The following EXOC6B variants were observed in gnomAD, a reference collection of about 807,000 sequenced individuals.
The protein encoded by EXOC6B is exocyst complex component 6B.
EXOC6B carries 54 observed loss-of-function variants against 113.5 expected under a neutral mutation model. The ratio of observed to expected loss-of-function variants is 0.48; its 90% CI spans 0.38 to 0.60. The LOEUF (loss-of-function observed/expected upper bound fraction) is 0.60. EXOC6B is among the 20% of genes least tolerant of loss of function. The probability of loss-of-function intolerance (pLI) is 0.00; values close to 1 mark genes in which losing one functional copy is unlikely to be tolerated. For missense variants in EXOC6B, 797 were observed against 977.5 expected (o/e 0.82, Z 2.46); for synonymous variants, 357 against 339.0 (o/e 1.05, Z -0.58).
chr2:72,360,759 TC>T, intron 19 of EXOC6B, among the ~76,000 whole-genome samples: 1 of 152,008 alleles, frequency 6.6e-6, no homozygotes. Context: ...TAAGTTGATT[TC>T]AAGTTTCTGT....
intron 20 of EXOC6B, among the ~76,000 whole-genome samples, chr2:72,333,919 T>C (rs1401005241): frequency 6.6e-6 from 1 of 152,050 alleles, no homozygotes; most frequent in Non-Finnish European, 1.5e-5. Context: ...CGAATCACAG[T>C]GGTAAGGAAC....
chr2:72,574,316 A>T (rs1704695231), intron 7 of EXOC6B, among the ~76,000 whole-genome samples: 1 of 152,184 alleles, frequency 6.6e-6, no homozygotes, highest in African/African-American at 2.4e-5. Flanking sequence ...ACATAACAGA[A>T]GTCAGCAAGG....
intron 20 of EXOC6B, among the ~76,000 whole-genome samples, chr2:72,188,531 G>T (rs1295070767): frequency 6.6e-6 from 1 of 152,088 alleles, no homozygotes; most frequent in Non-Finnish European, 1.5e-5. Flanking sequence ...AACTAAGTTA[G>T]CTGCTTGGAG....
chr2:72,248,670 C>T (rs1009012109), intron 20 of EXOC6B, among the ~76,000 whole-genome samples: 13 of 152,030 alleles, frequency 8.6e-5, no homozygotes, highest in African/African-American at 1.9e-4. Flanking sequence ...AGTAAATGCT[C>T]GGTAAGTATT....
At chr2:72,445,840 AAC>A (rs769534789) in intron 18 of EXOC6B, among the ~76,000 whole-genome samples, 19 of 152,356 alleles carry the variant, frequency 1.2e-4, no homozygotes, top group Non-Finnish European at 2.4e-4. Flanking sequence ...AAAGGACATG[AAC>A]ACACACTTTT....
chr2:72,619,558 T>C (rs983932448), intron 6 of EXOC6B, among the ~76,000 whole-genome samples: 2 of 152,088 alleles, frequency 1.3e-5, no homozygotes, highest in African/African-American at 2.4e-5. Flanking sequence ...GAAACACCAC[T>C]ACCAAGAAGA....
chr2:72,587,634 C>A (rs1271020514), intron 6 of EXOC6B, among the ~76,000 whole-genome samples: 4 of 151,866 alleles, frequency 2.6e-5, no homozygotes, highest in African/African-American at 7.3e-5. Context: ...ACAAAAAATA[C>A]ATATGTAAAA....
intron 11 of EXOC6B, among the ~76,000 whole-genome samples, chr2:72,503,484 A>G (rs1700437499): frequency 6.6e-6 from 1 of 152,094 alleles, no homozygotes; most frequent in Non-Finnish European, 1.5e-5. Context: ...TCATTTAGCA[A>G]TATGCATTTA....
intron 5 of EXOC6B, among the ~76,000 whole-genome samples, chr2:72,720,736 A>G (rs1573686467): frequency 1.3e-5 from 2 of 152,274 alleles, no homozygotes; most frequent in East Asian, 3.9e-4. Context: ...CCTGGGTAAC[A>G]GAGTGAGACC....
At chr2:72,185,414 GTTTC>G (rs1678358155) in intron 20 of EXOC6B, among the ~76,000 whole-genome samples, 1 of 152,262 alleles carries the variant, frequency 6.6e-6, no homozygotes, top group Admixed American at 6.5e-5. Flanking sequence ...ACTTCATCCA[GTTTC>G]TTAGAATAGC....
At chr2:72,492,664 GT>G (rs34091533) in intron 15 of EXOC6B, among the ~76,000 whole-genome samples, 2 of 149,636 alleles carry the variant, frequency 1.3e-5, no homozygotes, top group African/African-American at 4.9e-5. Flanking sequence ...AATTCTGGCT[GT>G]TTTTTTTTCT....
chr2:72,348,010 T>C (rs1050367514), intron 19 of EXOC6B, among the ~76,000 whole-genome samples: 4 of 152,216 alleles, frequency 2.6e-5, no homozygotes, highest in Non-Finnish European at 5.9e-5. Context: ...CAGGCTGTTA[T>C]AGTAAAATAC....
chr2:72,342,053 C>A (rs373632327), intron 19 of EXOC6B, among the ~76,000 whole-genome samples: 13 of 151,918 alleles, frequency 8.6e-5, no homozygotes, highest in African/African-American at 2.4e-4. Flanking sequence ...AAAACAAACA[C>A]AATATATCAA....
chr2:72,767,859 T>C (rs1244916894), intron 1 of EXOC6B, among the ~76,000 whole-genome samples: 1 of 108,490 alleles, frequency 9.2e-6, no homozygotes, highest in African/African-American at 3.5e-5. Flanking sequence ...CTCACGCTTA[T>C]AATTCCAGAA....
intron 18 of EXOC6B, among the ~76,000 whole-genome samples, chr2:72,447,898 T>C (rs1696684741): frequency 6.6e-6 from 1 of 152,150 alleles, no homozygotes; most frequent in African/African-American, 2.4e-5. Flanking sequence ...CCATTCATTG[T>C]CTCTCACCAG....
intron 20 of EXOC6B, among the ~76,000 whole-genome samples, chr2:72,304,366 AT>A (rs990094019): frequency 6.6e-6 from 1 of 152,226 alleles, no homozygotes; most frequent in African/African-American, 2.4e-5. Flanking sequence ...AGAAGATATC[AT>A]TTAAAATATT....
intron 6 of EXOC6B, among the ~76,000 whole-genome samples, chr2:72,589,865 G>A (rs1196888092): frequency 1.3e-5 from 2 of 151,844 alleles, no homozygotes; most frequent in African/African-American, 4.8e-5. Flanking sequence ...AGCCACATTT[G>A]GATTTAAACA....
intron 1 of EXOC6B, among the ~76,000 whole-genome samples, chr2:72,761,215 T>C (rs1682723977): frequency 6.6e-6 from 1 of 152,098 alleles, no homozygotes; most frequent in African/African-American, 2.4e-5. Flanking sequence ...TTGTTAGATA[T>C]CTACCTGAGG....
At chr2:72,294,078 G>GA (rs949247198) in intron 20 of EXOC6B, among the ~76,000 whole-genome samples, 178 of 129,864 alleles carry the variant, frequency 1.4e-3, no homozygotes, top group Middle Eastern at 7.7e-3. Flanking sequence ...TGGAACCAGT[G>GA]AAAAAAAAAA....
Sources: allele counts gnomAD v4.1 joint callset (sites outside exome capture counted in the v4.1 genomes callset), GRCh38; gene constraint gnomAD v4.1.1; transcripts MANE v1.5; gene names NCBI Gene and HGNC (gene_info 2026-07-23, HGNC 2026-07-21).